SESTD1: variants seen among roughly 807,000 people sequenced by gnomAD.
The protein encoded by SESTD1 is SEC14 domain and spectrin repeat-containing protein 1.
A neutral mutation model predicts 101.7 loss-of-function variants in SESTD1; 43 were observed. That is an observed-to-expected ratio of 0.42 (90% CI 0.33 to 0.55). The LOEUF (loss-of-function observed/expected upper bound fraction) is 0.55. Among genes scored for constraint, SESTD1 ranks in the 20% least tolerant of loss-of-function variants. The pLI is 0.07. For missense variants in SESTD1, 647 were observed against 815.1 expected (o/e 0.79, Z 2.51); for synonymous variants, 283 against 286.8 (o/e 0.99, Z 0.13).
chr2:179,147,789 TG>T (rs1271601781), intron 7 of SESTD1, among the ~76,000 whole-genome samples: 1 of 152,230 alleles, frequency 6.6e-6, no homozygotes, highest in Non-Finnish European at 1.5e-5. Flanking sequence ...TCAAACTCTT[TG>T]ATCATGGACT....
chr2:179,123,994 C>T (rs1003920984), intron 11 of SESTD1, among the ~76,000 whole-genome samples, 165 bp from the exon 12 acceptor site: 1 of 152,164 alleles, frequency 6.6e-6, no homozygotes, highest in African/African-American at 2.4e-5. Flanking sequence ...ATCTGGAAGA[C>T]AGAACACACA....
chr2:179,149,503 T>C (rs905667552), intron 6 of SESTD1, 109 bp from the exon 7 acceptor site: 2 of 674,888 alleles, frequency 3.0e-6, no homozygotes, highest in Non-Finnish European at 4.6e-6. Context: ...ATGTTTTCCT[T>C]CCCCAGCAGT....
chr2:179,215,761 A>G (rs772872417), intron 1 of SESTD1, among the ~76,000 whole-genome samples: 2 of 135,282 alleles, frequency 1.5e-5, no homozygotes, highest in Non-Finnish European at 3.2e-5. Flanking sequence ...TGGCAAACCA[A>G]ATCCAGCAGC....
chr2:179,141,268 C>A (rs1004932990), intron 9 of SESTD1, among the ~76,000 whole-genome samples: 1 of 152,170 alleles, frequency 6.6e-6, no homozygotes, highest in Admixed American at 6.5e-5. Context: ...CCTAGGTGGG[C>A]AACACCATTA....
chr2:179,190,535 A>G (rs1264444640), intron 2 of SESTD1, among the ~76,000 whole-genome samples: 1 of 152,088 alleles, frequency 6.6e-6, no homozygotes, highest in Non-Finnish European at 1.5e-5. Context: ...CAAAAATTGA[A>G]AAGTAGGACG....
At chr2:179,182,245 A>G (rs559853486) in intron 3 of SESTD1, among the ~76,000 whole-genome samples, 1 of 151,788 alleles carries the variant, frequency 6.6e-6, no homozygotes, top group East Asian at 1.9e-4. Flanking sequence ...CTACCTCTAC[A>G]TTGTACACAC....
chr2:179,155,028 C>T (rs541977289), intron 5 of SESTD1, among the ~76,000 whole-genome samples: 1 of 152,256 alleles, frequency 6.6e-6, no homozygotes, highest in East Asian at 1.9e-4. Context: ...ATTCTCCTGT[C>T]TCAGCCTCCC....
intron 10 of SESTD1, among the ~76,000 whole-genome samples, chr2:179,129,471 T>A (rs1435289747): frequency 6.6e-6 from 1 of 152,218 alleles, no homozygotes; most frequent in East Asian, 1.9e-4. Flanking sequence ...AAATTTCATT[T>A]TTCTATGTAT....
At chr2:179,230,759 A>C (rs2046976486) in intron 1 of SESTD1, among the ~76,000 whole-genome samples, 1 of 152,060 alleles carries the variant, frequency 6.6e-6, no homozygotes, top group Admixed American at 6.5e-5. Context: ...GAACAGAATT[A>C]ATATTTAAAA....
At chr2:179,208,668 A>G (rs970495037) in intron 1 of SESTD1, among the ~76,000 whole-genome samples, 4 of 134,878 alleles carry the variant, frequency 3.0e-5, no homozygotes, top group African/African-American at 1.2e-4. Context: ...TAGACAAACA[A>G]ATGTTGAATT....
intron 5 of SESTD1, among the ~76,000 whole-genome samples, chr2:179,162,024 C>G (rs1369759486): frequency 6.6e-6 from 1 of 151,980 alleles, no homozygotes; most frequent in African/African-American, 2.4e-5. Context: ...TGTCTTGAGG[C>G]AAATTTATAG....
intron 9 of SESTD1, among the ~76,000 whole-genome samples, chr2:179,142,474 CA>C (rs1339416073): frequency 6.6e-6 from 1 of 152,106 alleles, no homozygotes; most frequent in African/African-American, 2.4e-5. Context: ...AAGCGAGGCT[CA>C]GGGGTGAAGT....
At chr2:179,238,406 A>T (rs957153851) in intron 1 of SESTD1, among the ~76,000 whole-genome samples, 1 of 152,218 alleles carries the variant, frequency 6.6e-6, no homozygotes, top group Non-Finnish European at 1.5e-5. Flanking sequence ...GTCATGATCA[A>T]ATTTCTTCAA....
At position 179,188,006 on chromosome 2, in the gene SESTD1, C is replaced by T. The variant is rs188826520; in HGVS notation, c.55+3781G>A. On this transcript the variant is annotated intron_variant, in intron 2 of 17. Coordinates refer to ENST00000428443, the MANE Select transcript of SESTD1 (RefSeq NM_178123.5). ...ATAGCAGGGGATTTCAACACTCCAC[C>T]GATAGAGTTAGACAGATCATCGGGG... Among the ~76,000 whole-genome samples the T allele has an allele frequency of 1.4e-3, 218 of 152,190 alleles. 2 individuals are homozygous for T. The highest frequency in any genetic ancestry group is 4.6e-3 in the African/African-American group (190 of 41,512).
At chr2:179,152,549 G>C (rs1209318275) in intron 5 of SESTD1, among the ~76,000 whole-genome samples, 1 of 152,104 alleles carries the variant, frequency 6.6e-6, no homozygotes, top group Non-Finnish European at 1.5e-5. Context: ...CTCAGAAGGA[G>C]ACAAATGAAA....
chr2:179,218,962 CACTT>C (rs988028779), intron 1 of SESTD1, among the ~76,000 whole-genome samples: 1 of 152,168 alleles, frequency 6.6e-6, no homozygotes, highest in Non-Finnish European at 1.5e-5. Flanking sequence ...TAAAGCAAAA[CACTT>C]ACTCTAAGAA....
chr2:179,191,722 A>AT, intron 2 of SESTD1, 65 bp downstream of exon 2: 1 of 1,339,690 alleles, frequency 7.5e-7, no homozygotes. Context: ...TGTCATACTT[A>AT]ACAAAGAAGA....
At chr2:179,157,726 TAAC>T (rs1014359297) in intron 5 of SESTD1, among the ~76,000 whole-genome samples, 27 of 152,174 alleles carry the variant, frequency 1.8e-4, no homozygotes, top group South Asian at 2.1e-4. Context: ...TTGATTCACT[TAAC>T]AATCATTATT....
rs769048217 is a variant in SESTD1 at position 179,115,266 on chromosome 2, AAAAGGAAACATAAAATTGTAAT to A, written c.1648-32_1648-11del. The A allele has an allele frequency of 6.4e-7, 1 of 1,559,028 alleles. No homozygotes were observed. The highest frequency in any genetic ancestry group is 8.6e-7 in the Non-Finnish European group (1 of 1,157,812). On this transcript the variant is annotated splice_polypyrimidine_tract_variant and intron_variant, in intron 15 of 17. Transcript: ENST00000428443. ...CATAGTCATAAGTGCTCTAAAAAAGAAAAGGAAACATAAAATTGTAATAAAAGAATTCTTAAGAGAAGGATGG... is the reference window on the plus strand; with the variant it reads ...CATAGTCATAAGTGCTCTAAAAAAGAAAAAGAATTCTTAAGAGAAGGATGG...
Sources: allele counts gnomAD v4.1 joint callset (sites outside exome capture counted in the v4.1 genomes callset), GRCh38; gene constraint gnomAD v4.1.1; transcripts MANE v1.5; gene names NCBI Gene and HGNC (gene_info 2026-07-23, HGNC 2026-07-21).